Variants in CYYR1 observed in about 807,000 individuals in gnomAD.
CYYR1 encodes cysteine and tyrosine rich 1.
Under a neutral mutation model 15.2 loss-of-function variants are expected in CYYR1, and 14 were observed. The observed-to-expected ratio is 0.92, with a 90% CI of 0.61 to 1.44. The LOEUF (loss-of-function observed/expected upper bound fraction) is 1.44. CYYR1 is among the 40% of genes most tolerant of loss of function. The pLI is 0.00. For missense variants in CYYR1, 228 were observed against 209.5 expected (o/e 1.09, Z -0.54); for synonymous variants, 80 against 77.4 (o/e 1.03, Z -0.18).
At chr21:26,480,825 A>G (rs2065170400) in intron 2 of CYYR1, among the ~76,000 whole-genome samples, 1 of 152,182 alleles carries the variant, frequency 6.6e-6, no homozygotes, top group Non-Finnish European at 1.5e-5. Context: ...GTATGTGTTT[A>G]ATGAAAACAA....
At chr21:26,519,236 A>G (rs1601783976) in intron 2 of CYYR1, among the ~76,000 whole-genome samples, 2 of 152,154 alleles carry the variant, frequency 1.3e-5, no homozygotes, top group South Asian at 4.1e-4. Context: ...GGGGCGGGGG[A>G]ACAGGCAATG....
At chr21:26,477,089 C>A (rs1201312919) in intron 3 of CYYR1, among the ~76,000 whole-genome samples, 1 of 152,096 alleles carries the variant, frequency 6.6e-6, no homozygotes, top group Non-Finnish European at 1.5e-5. Context: ...CACTCTAGGG[C>A]TCCCCACTGT....
intron 2 of CYYR1, among the ~76,000 whole-genome samples, chr21:26,508,357 T>G (rs2065597712): frequency 6.6e-6 from 1 of 152,016 alleles, no homozygotes; most frequent in African/African-American, 2.4e-5. Context: ...GAGAGACCCG[T>G]GGGGTTTGTT....
intron 3 of CYYR1, among the ~76,000 whole-genome samples, chr21:26,473,446 G>A (rs2065061351): frequency 6.6e-6 from 1 of 152,102 alleles, no homozygotes; most frequent in South Asian, 2.1e-4. Flanking sequence ...ATAGCATCAA[G>A]ACAAATTCCA....
intron 2 of CYYR1, among the ~76,000 whole-genome samples, chr21:26,539,321 G>A (rs1419875658): frequency 1.3e-5 from 2 of 152,080 alleles, no homozygotes; most frequent in Non-Finnish European, 2.9e-5. Flanking sequence ...CCAAGCAGGG[G>A]ACAAATCTCT....
At chr21:26,544,027 TA>T (rs1471056978) in intron 2 of CYYR1, among the ~76,000 whole-genome samples, 6 of 152,174 alleles carry the variant, frequency 3.9e-5, no homozygotes, top group Non-Finnish European at 7.4e-5. Flanking sequence ...TTTATATCAA[TA>T]TTAGATAAGG....
At chr21:26,500,500 G>A (rs946354032) in intron 2 of CYYR1, among the ~76,000 whole-genome samples, 1 of 152,170 alleles carries the variant, frequency 6.6e-6, no homozygotes, top group Admixed American at 6.5e-5. Context: ...ACTTGTAGCA[G>A]ATGCCAGCAA....
In CYYR1 at chr21:26,573,128, A is replaced by T. The variant is rs1320789918; in HGVS notation, c.-188T>A. Reference sequence around the variant, plus strand: ...CGCGTCCCGGGCCAGCGACTGCGGGACTCCGCGGAGCTGGGGCGCCCGTGG... The same window carrying T: ...CGCGTCCCGGGCCAGCGACTGCGGGTCTCCGCGGAGCTGGGGCGCCCGTGG... On this transcript the variant is annotated 5_prime_UTR_variant, in exon 1 of 4. Coordinates refer to ENST00000652641, the MANE Select transcript of CYYR1 (RefSeq NM_001320768.2). 1.3e-6 allele frequency: 2 copies of T among 1,502,374 alleles called. No individual in the cohort carries two copies. Among genetic ancestry groups the T allele is most frequent in the Non-Finnish European group, 1.8e-6 (2 of 1,131,082 alleles). 93.1% of individuals were successfully genotyped at this position (1,502,374 alleles called of 1,614,324 possible). A position where few individuals can be genotyped will look rare whatever the true frequency, so the allele number is the denominator to read the frequency against.
intron 2 of CYYR1, among the ~76,000 whole-genome samples, chr21:26,524,264 GAC>G (rs1274377575): frequency 6.6e-6 from 1 of 152,050 alleles, no homozygotes; most frequent in African/African-American, 2.4e-5. Flanking sequence ...TGTTTGCTCT[GAC>G]ATTAAATGCA....
chr21:26,524,876 C>T (rs1203213755), intron 2 of CYYR1, among the ~76,000 whole-genome samples: 1 of 152,086 alleles, frequency 6.6e-6, no homozygotes, highest in Non-Finnish European at 1.5e-5. Flanking sequence ...GTGCCCTTGA[C>T]TGAGAAATGT....
chr21:26,535,016 T>C (rs970282780), intron 2 of CYYR1, among the ~76,000 whole-genome samples: 13 of 152,188 alleles, frequency 8.5e-5, no homozygotes, highest in African/African-American at 3.1e-4. Context: ...ATTTATTTAT[T>C]TACTTAACTT....
chr21:26,545,878 A>G lies in CYYR1; in HGVS notation c.176+20388T>C, dbSNP rs536204388. The stretch of plus-strand genomic sequence containing the variant: ...GATTACAGTTTATTCTTAATTAAAT[A>G]AGATAGTTTACATTACCCACTTCTC... On this transcript the variant is annotated intron_variant, in intron 2 of 3. Coordinates refer to ENST00000652641, the MANE Select transcript of CYYR1 (RefSeq NM_001320768.2). Among the ~76,000 whole-genome samples, 21 of 152,260 alleles carry G rather than the reference A, an allele frequency of 1.4e-4. No individual in the cohort carries two copies. The East Asian group carries it at 4.1e-3, about 29-fold the overall frequency.
At chr21:26,548,277 C>A (rs575473399) in intron 2 of CYYR1, among the ~76,000 whole-genome samples, 1 of 152,266 alleles carries the variant, frequency 6.6e-6, no homozygotes, top group East Asian at 1.9e-4. Context: ...TTGATTACAT[C>A]CCTTAATTGA....
At chr21:26,550,535 A>G (rs1979312238) in intron 2 of CYYR1, 2 of 152,188 alleles carry the variant, frequency 1.3e-5, no homozygotes, top group South Asian at 4.1e-4. Context: ...AAGCAAAGGA[A>G]AAGTTCTTGA....
At chr21:26,540,013 G>C (rs979455608) in intron 2 of CYYR1, among the ~76,000 whole-genome samples, 3 of 152,124 alleles carry the variant, frequency 2.0e-5, no homozygotes, top group African/African-American at 7.2e-5. Flanking sequence ...TTTAAGGAAG[G>C]CCTCTTTTTT....
intron 2 of CYYR1, among the ~76,000 whole-genome samples, chr21:26,506,063 C>T (rs1291010623): frequency 6.6e-6 from 1 of 152,096 alleles, no homozygotes; most frequent in Admixed American, 6.5e-5. Flanking sequence ...ATATAGCATG[C>T]ATCCGTCATC....
At chr21:26,568,527 A>G (rs907264220) in intron 1 of CYYR1, 1 of 152,240 alleles carries the variant, frequency 6.6e-6, no homozygotes, top group African/African-American at 2.4e-5. Context: ...AAAGCTAGGA[A>G]GCACCGTTCC....
At chr21:26,513,230 C>A (rs1238195787) in intron 2 of CYYR1, among the ~76,000 whole-genome samples, 1 of 152,182 alleles carries the variant, frequency 6.6e-6, no homozygotes, top group East Asian at 1.9e-4. Flanking sequence ...CCATATTCTG[C>A]CTTGTACGAT....
At chr21:26,553,396 T>G (rs1979532320) in intron 2 of CYYR1, among the ~76,000 whole-genome samples, 1 of 152,146 alleles carries the variant, frequency 6.6e-6, no homozygotes, top group Non-Finnish European at 1.5e-5. Flanking sequence ...ACTTGGGATT[T>G]TTTTAGCTCC....
Sources: allele counts gnomAD v4.1 joint callset (sites outside exome capture counted in the v4.1 genomes callset), GRCh38; gene constraint gnomAD v4.1.1; transcripts MANE v1.5; gene names NCBI Gene and HGNC (gene_info 2026-07-23, HGNC 2026-07-21).